The following CHRNA1 variants were observed in gnomAD, a reference collection of about 807,000 sequenced individuals.
The protein encoded by CHRNA1 is acetylcholine receptor subunit alpha.
CHRNA1 carries 35 observed loss-of-function variants against 47.1 expected under a neutral mutation model. The ratio of observed to expected loss-of-function variants is 0.74; its 90% CI spans 0.57 to 0.99. CHRNA1 has a LOEUF of 0.99. Among genes scored for constraint, CHRNA1 ranks in the 50% least tolerant of loss-of-function variants. CHRNA1 has a pLI of 0.00. For synonymous variants in CHRNA1, 229 were observed against 223.6 expected (o/e 1.02, Z -0.22); for missense variants, 506 against 591.1 (o/e 0.86, Z 1.49).
intron 1 of CHRNA1, among the ~76,000 whole-genome samples, chr2:174,763,395 CAT>C (rs1684134008): frequency 6.6e-6 from 1 of 152,062 alleles, no homozygotes; most frequent in African/African-American, 2.4e-5. Flanking sequence ...CCAAATCCCA[CAT>C]GATATAATTT....
chr2:174,752,651 C>T (rs879390682), intron 6 of CHRNA1: 1 of 152,194 alleles, frequency 6.6e-6, no homozygotes, highest in Admixed American at 6.5e-5. Flanking sequence ...GTCTTATTCT[C>T]TGCGGTCTAT....
At chr2:174,759,669 T>C in intron 1 of CHRNA1, 36 bp from the exon 2 acceptor site, 1 of 1,609,458 alleles carries the variant, frequency 6.2e-7, no homozygotes, top group Non-Finnish European at 8.5e-7. Flanking sequence ...TGTCAGATTC[T>C]TCTCCCCACC....
chr2:174,759,133 AAC>A (rs1684040892), intron 3 of CHRNA1, among the ~76,000 whole-genome samples, 196 bp downstream of exon 3: 1 of 152,142 alleles, frequency 6.6e-6, no homozygotes, highest in Non-Finnish European at 1.5e-5. Flanking sequence ...CTAGCAAACT[AAC>A]ACACACAGAA....
chr2:174,762,447 A>C (rs6730111), intron 1 of CHRNA1, among the ~76,000 whole-genome samples: 11,377 of 152,314 alleles, frequency 0.075, 1,261 homozygotes, highest in African/African-American at 0.24. Flanking sequence ...ATCTTTATTC[A>C]GATGATGGTA....
chr2:174,754,366 C>A lies in CHRNA1; in HGVS notation c.393G>T (p.Gln131His), dbSNP rs1558912394. 6.2e-7 allele frequency: 1 copy of A among 1,614,146 alleles called. No individual in the cohort carries two copies. Among genetic ancestry groups the A allele is most frequent in the East Asian group, 2.2e-5 (1 of 44,882 alleles). The stretch of plus-strand genomic sequence containing the variant: ...GTGTCCACGTGATGTGGCCAGTGTA[C>A]TGCAGGAGCACTTTGGTGAACTTGA... ...AIVKFTKVLLQYTGHITWTPP... is the reference protein window; with the variant it reads ...AIVKFTKVLLHYTGHITWTPP... Residue 131 changes from glutamine to histidine, a missense_variant, in exon 5 of 9, where the codon CAG becomes CAT. Physicochemically the swap from Gln to His is conservative, Grantham distance 24 (BLOSUM62 0). Coordinates refer to ENST00000348749, the MANE Select transcript of CHRNA1 (RefSeq NM_000079.4).
chr2:174,754,228 G>A lies in CHRNA1; in HGVS notation c.531C>T (p.Ala177=). The A allele has an allele frequency of 6.2e-7, 1 of 1,613,414 alleles. No individual in the cohort carries two copies. The highest frequency in any genetic ancestry group is 8.5e-7 in the Non-Finnish European group (1 of 1,179,926). The change falls in exon 5 of 9, where the codon GCC becomes GCT. Residue 177 remains alanine (A), a synonymous_variant. Coordinates refer to ENST00000348749, the MANE Select transcript of CHRNA1 (RefSeq NM_000079.4). Reference sequence around the variant, plus strand: ...TGTGGCCACCACCTACCGGGTTGATGGCCACGACAGAGCCGTCGTAGGTCC... The same window carrying A: ...TGTGGCCACCACCTACCGGGTTGATAGCCACGACAGAGCCGTCGTAGGTCC... ...GTWTYDGSVV[A]INPESDQPDL...
chr2:174,748,077 TG>T lies in CHRNA1; in HGVS notation c.*46del, dbSNP rs755507116. 9 of 1,612,504 alleles carry T rather than the reference TG, an allele frequency of 5.6e-6. No homozygotes were observed. The African/African-American group carries it at 1.2e-4, about 22-fold the overall frequency. On this transcript the variant is annotated 3_prime_UTR_variant, in exon 9 of 9. Transcript: ENST00000348749. ...CAAATCTTCCTCTCCTGCCCTTCTC[TG>T]CTCTGGTAGGTTCCAGGGCAGAGCT...
chr2:174,758,083 A>G (rs1188517165), intron 3 of CHRNA1: 48 of 1,611,648 alleles, frequency 3.0e-5, no homozygotes, highest in Non-Finnish European at 3.9e-5. Flanking sequence ...AGGCAACATC[A>G]TTTTTAAAAA....
At chr2:174,752,204 T>C (rs1683867867) in intron 6 of CHRNA1, among the ~76,000 whole-genome samples, 3 of 151,584 alleles carry the variant, frequency 2.0e-5, no homozygotes, top group African/African-American at 7.3e-5. Flanking sequence ...TCTCTATTTA[T>C]TTATTTTTTT....
intron 3 of CHRNA1, 82 bp downstream of exon 3, chr2:174,759,249 A>G (rs986364349): frequency 3.7e-6 from 5 of 1,336,690 alleles, no homozygotes; most frequent in Admixed American, 3.4e-5. Flanking sequence ...TATCCCTGTT[A>G]CCCATATTGA....
Position 174,757,600 on chromosome 2 carries a change from T to C in CHRNA1, c.310A>G (p.Lys104Glu). ...AGAACAAGGTCTGGGCGCCAGATCTTTTCTGAAGGAATGTGAATTTTTTTC... is the reference window on the plus strand; with the variant it reads ...AGAACAAGGTCTGGGCGCCAGATCTCTTCTGAAGGAATGTGAATTTTTTTC... ...GVKKIHIPSE[K>E]IWRPDLVLYN... The change falls in exon 4 of 9, where the codon AAG becomes GAG. Residue 104 changes from lysine (K) to glutamate (E), a missense_variant. Lys to Glu is a moderately conservative substitution (Grantham distance 56, BLOSUM62 1). Transcript: ENST00000348749. The C allele has an allele frequency of 1.9e-6, 3 of 1,614,208 alleles. No individual in the cohort carries two copies. Among genetic ancestry groups the C allele is most frequent in the Non-Finnish European group, 2.5e-6 (3 of 1,180,022 alleles).
chr2:174,759,662 C>T (rs1477107843), intron 1 of CHRNA1, 29 bp from the exon 2 acceptor site: 1 of 1,610,272 alleles, frequency 6.2e-7, no homozygotes, highest in Non-Finnish European at 8.5e-7. Flanking sequence ...CCAACACTGT[C>T]AGATTCTTCT....
intron 1 of CHRNA1, 149 bp from the exon 2 acceptor site, chr2:174,759,782 A>G (rs1684065003): frequency 1.9e-6 from 2 of 1,045,376 alleles, no homozygotes; most frequent in Non-Finnish European, 2.8e-6. Flanking sequence ...TCCCAAATGC[A>G]GCAGTTATTG....
At position 174,757,631 on chromosome 2, in the gene CHRNA1, G is replaced by T. The variant is rs771749641; in HGVS notation, c.279C>A (p.Gly93=). The change falls in exon 4 of 9, where the codon GGC becomes GGA. Residue 93 remains glycine, a synonymous_variant. Coordinates refer to ENST00000348749, the MANE Select transcript of CHRNA1 (RefSeq NM_000079.4). ...YNLKWNPDDY[G]GVKKIHIPSE... is the part of the protein sequence containing the mutation. The stretch of plus-strand genomic sequence containing the variant: ...AAGGAATGTGAATTTTTTTCACACC[G>T]CCATAGTCATCTGGATTCCATTTTA... 3 of 1,614,086 alleles carry T rather than the reference G, an allele frequency of 1.9e-6. No individual in the cohort carries two copies. Among genetic ancestry groups the T allele is most frequent in the Non-Finnish European group, 2.5e-6 (3 of 1,179,978 alleles).
chr2:174,752,373 T>G (rs767993547), intron 6 of CHRNA1, among the ~76,000 whole-genome samples: 1 of 152,124 alleles, frequency 6.6e-6, no homozygotes, highest in African/African-American at 2.4e-5. Context: ...AGTTCGAGAC[T>G]GGCCTCGGCA....
chr2:174,755,436 T>C (rs1683961371), intron 4 of CHRNA1, among the ~76,000 whole-genome samples: 1 of 151,944 alleles, frequency 6.6e-6, no homozygotes, highest in South Asian at 2.1e-4. Context: ...TTTTTTTTTT[T>C]TGAGATGGAG....
Position 174,751,685 on chromosome 2 carries a change from C to CTT in CHRNA1, c.779-1518_779-1517dup, listed in dbSNP as rs112584100. On this transcript the variant is annotated intron_variant, in intron 6 of 8. Coordinates refer to ENST00000348749, the MANE Select transcript of CHRNA1 (RefSeq NM_000079.4). ...TCTTTCTTTTCTTTCTTTTTTTCTT[C>CTT]TTTTTTTTTTTGTGAGGGAGTCTCA... Among the ~76,000 whole-genome samples, 415 of 141,402 alleles carry CTT rather than the reference C, an allele frequency of 2.9e-3. 3 individuals carry two copies. Among genetic ancestry groups the CTT allele is most frequent in the African/African-American group, 0.01 (393 of 38,558 alleles). The allele number at this position is 141,402 out of a possible 152,430, so 92.8% of individuals were successfully genotyped here. A position where few individuals can be genotyped will look rare whatever the true frequency, so the allele number is the denominator to read the frequency against.
intron 6 of CHRNA1, chr2:174,753,170 A>T: frequency 5.3e-6 from 3 of 567,676 alleles, no homozygotes; most frequent in Non-Finnish European, 9.5e-6. Flanking sequence ...AGTGTCTGGG[A>T]TCACATGCCT....
rs1683760298 is a variant in CHRNA1 at position 174,747,791 on chromosome 2, A to G, written c.*333T>C. ...GTGGTTAGACAAAATAAGTAAATAT[A>G]TAAATATAACAGCAATGACAATGCA... is the stretch of plus-strand genomic sequence containing the variant. On this transcript the variant is annotated 3_prime_UTR_variant, in exon 9 of 9. Transcript: ENST00000348749. 3.0e-6 allele frequency: 1 copy of G among 330,866 alleles called. No individual in the cohort carries two copies. Among genetic ancestry groups the G allele is most frequent in the Admixed American group, 4.2e-5 (1 of 23,758 alleles). The allele number at this position is 330,866 out of a possible 1,614,324, so 20.5% of individuals were successfully genotyped here.
Sources: gnomAD v4.1 joint callset for allele counts (sites outside exome capture counted in the v4.1 genomes callset) on GRCh38, gnomAD v4.1.1 for gene constraint, MANE v1.5 for transcripts, NCBI Gene and HGNC (gene_info 2026-07-23, HGNC 2026-07-21) for gene names.